Variants in GIPC2 observed in about 807,000 individuals in gnomAD.
GIPC2 encodes PDZ domain-containing protein GIPC2.
GIPC2 carries 30 observed loss-of-function variants against 30.6 expected under a neutral mutation model. That is an observed-to-expected ratio of 0.98 (90% CI 0.73 to 1.33). The LOEUF is 1.33. Ranked by LOEUF, GIPC2 falls within the 40% of genes most tolerant of loss-of-function variation. GIPC2 has a pLI of 0.00. For missense variants in GIPC2, 414 were observed against 390.3 expected (o/e 1.06, Z -0.51); for synonymous variants, 167 against 150.0 (o/e 1.11, Z -0.83).
At chr1:78,089,359 A>G (rs1337886768) in intron 2 of GIPC2, among the ~76,000 whole-genome samples, 1 of 152,228 alleles carries the variant, frequency 6.6e-6, no homozygotes, top group Admixed American at 6.5e-5. Context: ...ATTTGGGGGT[A>G]TAAATATAAT....
intron 5 of GIPC2, among the ~76,000 whole-genome samples, chr1:78,134,399 A>G (rs752656234): frequency 1.3e-5 from 2 of 151,492 alleles, no homozygotes; most frequent in Non-Finnish European, 2.9e-5. Flanking sequence ...ATCCATCTCC[A>G]TATGTGTAAC....
chr1:78,087,951 C>CA (rs1245782217), intron 2 of GIPC2, among the ~76,000 whole-genome samples: 7 of 152,096 alleles, frequency 4.6e-5, no homozygotes, highest in Middle Eastern at 3.4e-3. Context: ...AGGACATGAA[C>CA]ACTTTTCAAA....
intron 2 of GIPC2, among the ~76,000 whole-genome samples, chr1:78,094,488 A>G (rs1328902298): frequency 2.0e-5 from 3 of 152,248 alleles, no homozygotes; most frequent in Admixed American, 6.5e-5. Flanking sequence ...TTAGAATTAA[A>G]TGAAATAACA....
chr1:78,107,083 T>TCCCTCCCTCTTTCC (rs1662368196), intron 3 of GIPC2, among the ~76,000 whole-genome samples: 1 of 134,330 alleles, frequency 7.4e-6, no homozygotes, highest in Admixed American at 7.7e-5. Flanking sequence ...CCTCTCTTTC[T>TCCCTCCCTCTTTCC]CCCTCCCTCT....
intron 3 of GIPC2, among the ~76,000 whole-genome samples, chr1:78,097,293 C>G (rs1156458205): frequency 6.6e-6 from 1 of 152,174 alleles, no homozygotes; most frequent in Non-Finnish European, 1.5e-5. Context: ...TCTCTGTCCT[C>G]TTGGATTTCT....
intron 1 of GIPC2, among the ~76,000 whole-genome samples, chr1:78,056,997 G>A (rs577945671): frequency 6.6e-6 from 1 of 152,258 alleles, no homozygotes; most frequent in South Asian, 2.1e-4. Flanking sequence ...CATTCCTGTA[G>A]TCTAGTTTGG....
At chr1:78,122,645 A>G (rs997875497) in intron 4 of GIPC2, among the ~76,000 whole-genome samples, 2 of 152,228 alleles carry the variant, frequency 1.3e-5, no homozygotes, top group African/African-American at 4.8e-5. Context: ...TCATGATGCA[A>G]TCACCTCCCA....
intron 1 of GIPC2, among the ~76,000 whole-genome samples, chr1:78,052,726 T>C (rs539715678): frequency 2.4e-4 from 37 of 152,290 alleles, no homozygotes; most frequent in Non-Finnish European, 4.3e-4. Context: ...AACTATGAAA[T>C]TTGAGGCTCT....
chr1:78,124,780 C>T (rs541828386), intron 4 of GIPC2, among the ~76,000 whole-genome samples: 10 of 152,106 alleles, frequency 6.6e-5, no homozygotes, highest in African/African-American at 1.4e-4. Flanking sequence ...CTGAGGTGGG[C>T]GGATCACTTG....
Position 78,046,008 on chromosome 1 carries a change from C to T in GIPC2, c.-87C>T, listed in dbSNP as rs1661059810. On this transcript the variant is annotated 5_prime_UTR_variant, in exon 1 of 6. Coordinates refer to ENST00000370759, the MANE Select transcript of GIPC2 (RefSeq NM_017655.6). ...CCATTGGAGGCTGCTTTTACCTGCG[C>T]GGGGCCCGGGGCGCAAAGTCCGAGG... 2.2e-6 allele frequency: 3 copies of T among 1,393,798 alleles called. No individual in the cohort carries two copies. The highest frequency in any genetic ancestry group is 2.8e-6 in the Non-Finnish European group (3 of 1,076,968). 86.3% of individuals were successfully genotyped at this position (1,393,798 alleles called of 1,614,324 possible).
chr1:78,051,353 C>G (rs886661118), intron 1 of GIPC2, among the ~76,000 whole-genome samples: 2 of 152,164 alleles, frequency 1.3e-5, no homozygotes, highest in African/African-American at 4.8e-5. Context: ...AAATTACTTC[C>G]TTTTACTTGT....
At chr1:78,065,278 C>T (rs1208878866) in intron 1 of GIPC2, among the ~76,000 whole-genome samples, 1 of 151,904 alleles carries the variant, frequency 6.6e-6, no homozygotes, top group Non-Finnish European at 1.5e-5. Flanking sequence ...AATGGTCAAG[C>T]TGAGAACCAA....
chr1:78,052,175 CTG>C (rs1201251376), intron 1 of GIPC2, among the ~76,000 whole-genome samples: 4 of 152,296 alleles, frequency 2.6e-5, no homozygotes, highest in African/African-American at 9.6e-5. Flanking sequence ...TTCCTTAAGT[CTG>C]TTCAAATGTC....
chr1:78,112,413 T>C (rs1291436190), intron 3 of GIPC2: 7 of 518,916 alleles, frequency 1.3e-5, no homozygotes, highest in Non-Finnish European at 3.8e-6. Flanking sequence ...TTCTTCCCTC[T>C]GGGCATCTTT....
At chr1:78,069,202 T>G in intron 1 of GIPC2, 1 of 502,722 alleles carries the variant, frequency 2.0e-6, no homozygotes, top group Non-Finnish European at 2.6e-6. Flanking sequence ...CTTCACCCTT[T>G]CCCATTCTCA....
At chr1:78,063,631 T>C (rs1203501961) in intron 1 of GIPC2, among the ~76,000 whole-genome samples, 1 of 152,024 alleles carries the variant, frequency 6.6e-6, no homozygotes, top group Admixed American at 6.6e-5. Flanking sequence ...ATGCCTGTAA[T>C]CCCAGCACTT....
At position 78,049,004 on chromosome 1, in the gene GIPC2, T is replaced by C. The variant is rs142779579; in HGVS notation, c.240+2670T>C. Among the ~76,000 whole-genome samples, 7 of 152,330 alleles carry C rather than the reference T, an allele frequency of 4.6e-5. No individual in the cohort carries two copies. The East Asian group carries it at 1.3e-3, about 29-fold the overall frequency. ...AGTTAATTATATGCAGAATAAAGTATTGGTCATCATAGCATAGTACGCATA... is the reference window on the plus strand; with the variant it reads ...AGTTAATTATATGCAGAATAAAGTACTGGTCATCATAGCATAGTACGCATA... On this transcript the variant is annotated intron_variant, in intron 1 of 5. Coordinates refer to ENST00000370759, the MANE Select transcript of GIPC2 (RefSeq NM_017655.6).
chr1:78,059,049 G>A (rs1185052687), intron 1 of GIPC2, among the ~76,000 whole-genome samples: 1 of 152,100 alleles, frequency 6.6e-6, no homozygotes, highest in African/African-American at 2.4e-5. Flanking sequence ...CTCTTGTTGG[G>A]GTGGGTGAAC....
chr1:78,085,809 TTTC>T lies in GIPC2; in HGVS notation c.426+4955_426+4957del, dbSNP rs1432486694. Among the ~76,000 whole-genome samples, 3 of 152,106 alleles carry T rather than the reference TTTC, an allele frequency of 2.0e-5. No homozygotes were observed. The East Asian group carries it at 5.8e-4, about 29-fold the overall frequency. On this transcript the variant is annotated intron_variant, in intron 2 of 5. Coordinates refer to ENST00000370759, the MANE Select transcript of GIPC2 (RefSeq NM_017655.6). ...TTGTGTTTATTTAGATCTTCTCTCT[TTTC>T]TTCTTTATTAGTCTAGCTAGTGGCC...
Sources: gnomAD v4.1 joint callset for allele counts (sites outside exome capture counted in the v4.1 genomes callset) on GRCh38, gnomAD v4.1.1 for gene constraint, MANE v1.5 for transcripts, NCBI Gene and HGNC (gene_info 2026-07-23, HGNC 2026-07-21) for gene names.